The following RASEF variants were observed in gnomAD, a reference collection of about 807,000 sequenced individuals.
The protein encoded by RASEF is ras and EF-hand domain-containing protein.
A neutral mutation model predicts 90.1 loss-of-function variants in RASEF; 68 were observed. The ratio of observed to expected loss-of-function variants is 0.75; its 90% CI spans 0.62 to 0.92. The LOEUF is 0.92. Ranked by LOEUF, RASEF falls within the 40% of genes least tolerant of loss-of-function variation. The pLI is 0.00. For synonymous variants in RASEF, 331 were observed against 345.2 expected (o/e 0.96, Z 0.46); for missense variants, 949 against 937.2 (o/e 1.01, Z -0.16).
the RASEF span, among the ~76,000 whole-genome samples, chr9:83,129,046 C>A: frequency 1.3e-5 from 2 of 152,120 alleles, no homozygotes; most frequent in Non-Finnish European, 2.9e-5. Flanking sequence ...TAAACAAAAA[C>A]AAAGATTAAA....
At chr9:83,217,881 A>G in the RASEF span, among the ~76,000 whole-genome samples, 1 of 152,222 alleles carries the variant, frequency 6.6e-6, no homozygotes, top group African/African-American at 2.4e-5. Flanking sequence ...TCTGGTCCAG[A>G]AAAGGTAATT....
the RASEF span, among the ~76,000 whole-genome samples, chr9:83,158,693 TG>T: frequency 1.3e-5 from 2 of 148,656 alleles, no homozygotes; most frequent in Admixed American, 6.8e-5. Flanking sequence ...TATACATATA[TG>T]TATATATTTA....
intron 2 of RASEF, among the ~76,000 whole-genome samples, chr9:83,022,810 A>G (rs935013271): frequency 6.6e-6 from 1 of 152,224 alleles, no homozygotes; most frequent in African/African-American, 2.4e-5. Flanking sequence ...ACAGCATGGG[A>G]CTGTACTGAA....
intron 2 of RASEF, among the ~76,000 whole-genome samples, chr9:83,023,672 T>G (rs1302480141): frequency 1.3e-5 from 2 of 152,242 alleles, no homozygotes; most frequent in Non-Finnish European, 2.9e-5. Flanking sequence ...TCAGTTCATT[T>G]CTGCTTATAA....
At chr9:83,006,566 C>T (rs1318419210) in intron 7 of RASEF, among the ~76,000 whole-genome samples, 1 of 151,024 alleles carries the variant, frequency 6.6e-6, no homozygotes, top group Non-Finnish European at 1.5e-5. Context: ...AACCAGAAGA[C>T]AATGCAGCAT....
At chr9:83,142,348 G>A in the RASEF span, among the ~76,000 whole-genome samples, 2 of 152,188 alleles carry the variant, frequency 1.3e-5, no homozygotes, top group African/African-American at 2.4e-5. Context: ...TCTTGTCAAA[G>A]CAATAGAAAT....
chr9:83,197,193 A>G, the RASEF span, among the ~76,000 whole-genome samples: 1 of 152,242 alleles, frequency 6.6e-6, no homozygotes, highest in Admixed American at 6.5e-5. Flanking sequence ...GAAACCACGG[A>G]AAGACTGATC....
chr9:83,146,889 G>C, the RASEF span, among the ~76,000 whole-genome samples: 1 of 151,926 alleles, frequency 6.6e-6, no homozygotes, highest in Admixed American at 6.6e-5. Context: ...AACCATCTTA[G>C]TATAAATTAT....
At chr9:83,038,056 T>A in intron 1 of RASEF, among the ~76,000 whole-genome samples, 1 of 152,104 alleles carries the variant, frequency 6.6e-6, no homozygotes, top group East Asian at 1.9e-4. Flanking sequence ...ATTTATATTC[T>A]GTAACAATAG....
the RASEF span, among the ~76,000 whole-genome samples, chr9:83,191,754 C>G: frequency 6.6e-6 from 1 of 152,078 alleles, no homozygotes; most frequent in Non-Finnish European, 1.5e-5. Context: ...ACCTCCCTCA[C>G]CCCTGTCAAA....
At chr9:83,142,904 A>G in the RASEF span, among the ~76,000 whole-genome samples, 1 of 151,884 alleles carries the variant, frequency 6.6e-6, no homozygotes, top group East Asian at 1.9e-4. Flanking sequence ...TATAAAACAG[A>G]ACAAGATTAT....
At chr9:83,036,809 T>C (rs1323775847) in intron 1 of RASEF, among the ~76,000 whole-genome samples, 1 of 152,186 alleles carries the variant, frequency 6.6e-6, no homozygotes, top group Non-Finnish European at 1.5e-5. Flanking sequence ...ACAATTGTAC[T>C]ACACCAAAGC....
intron 5 of RASEF, among the ~76,000 whole-genome samples, chr9:83,011,841 C>T (rs1202002558): frequency 5.9e-5 from 9 of 152,014 alleles, no homozygotes; most frequent in Admixed American, 5.9e-4. Flanking sequence ...AGCTGGGAAC[C>T]TTCTAAGTGG....
At position 83,000,916 on chromosome 9, in the gene RASEF, C is replaced by T; in HGVS notation, c.1417G>A (p.Gly473Ser). The T allele has an allele frequency of 6.2e-7, 1 of 1,614,024 alleles. No homozygotes were observed. Among genetic ancestry groups the T allele is most frequent in the Non-Finnish European group, 8.5e-7 (1 of 1,179,886 alleles). ...RSHGVQESFG[G>S]DASDTDVPDI... is the part of the protein sequence containing the mutation. ...CTTACATCTGTGTCTGAAGCATCAC[C>T]TCCAAAGCTCTCCTGCACCCCGTGT... Residue 473 changes from glycine to serine, a missense_variant, in exon 10 of 17, where the codon GGT (glycine) becomes AGT (serine). Coordinates refer to ENST00000376447, the MANE Select transcript of RASEF (RefSeq NM_152573.4).
the RASEF span, among the ~76,000 whole-genome samples, chr9:83,102,059 A>AG: frequency 6.6e-6 from 1 of 152,112 alleles, no homozygotes; most frequent in African/African-American, 2.4e-5. Context: ...ATGTGAAAAA[A>AG]AAAAGATGGC....
rs750742283 is a variant in RASEF, at chr9:82,982,728, G to C, written c.2172C>G (p.Thr724=). 7 of 1,611,124 alleles carry C rather than the reference G, an allele frequency of 4.3e-6. No homozygotes were observed. The highest frequency in any genetic ancestry group is 5.9e-6 in the Non-Finnish European group (7 of 1,177,586). ...GTGGTGACTTTTTGGAATTGGTCCC[G>C]GTTAGATTGGTAATGGATCTGCTGT... ...KDDSRSITNL[T]GTNSKKSPQM... The change falls in exon 17 of 17, where the codon ACC becomes ACG. Residue 724 remains threonine (T), a synonymous_variant. Transcript: ENST00000376447.
At chr9:83,010,096 C>T (rs536502748) in intron 5 of RASEF, among the ~76,000 whole-genome samples, 2 of 152,208 alleles carry the variant, frequency 1.3e-5, no homozygotes, top group South Asian at 2.1e-4. Flanking sequence ...ATTTAATGAG[C>T]GCTTTAAAAT....
chr9:83,131,736 T>C, the RASEF span, among the ~76,000 whole-genome samples: 1 of 152,182 alleles, frequency 6.6e-6, no homozygotes, highest in Non-Finnish European at 1.5e-5. Context: ...CTCTGATCCA[T>C]GAAAACTAAA....
chr9:83,200,390 C>T, the RASEF span, among the ~76,000 whole-genome samples: 14 of 152,076 alleles, frequency 9.2e-5, no homozygotes, highest in South Asian at 1.7e-3. Context: ...AGCAAGATTC[C>T]GTCTCAAAAA....
Sources: gnomAD v4.1 joint callset for allele counts (sites outside exome capture counted in the v4.1 genomes callset) on GRCh38, gnomAD v4.1.1 for gene constraint, MANE v1.5 for transcripts, NCBI Gene and HGNC (gene_info 2026-07-23, HGNC 2026-07-21) for gene names.